The following SYNE1 variants were observed in gnomAD, a reference collection of about 807,000 sequenced individuals.
SYNE1 encodes the protein nesprin-1.
SYNE1 carries 616 observed loss-of-function variants against 1,111.0 expected under a neutral mutation model. That is an observed-to-expected ratio of 0.55 (90% CI 0.52 to 0.59). SYNE1 has a LOEUF of 0.59. SYNE1 is among the 20% of genes least tolerant of loss of function. The probability of loss-of-function intolerance (pLI) is 0.00; values close to 1 mark genes in which losing one functional copy is unlikely to be tolerated. For synonymous variants in SYNE1, 3,855 were observed against 3,825.8 expected, an observed-to-expected ratio of 1.01 and a Z score of -0.28; for missense variants, 10,006 against 10,417.0, an observed-to-expected ratio of 0.96 and a Z score of 1.72.
Position 152,301,913 on chromosome 6 carries a change from C to G in SYNE1, c.17497G>C (p.Gly5833Arg). 6.2e-7 allele frequency: 1 copy of G among 1,614,110 alleles called. No homozygotes were observed. Among genetic ancestry groups the G allele is most frequent in the Non-Finnish European group, 8.5e-7 (1 of 1,180,008 alleles). ...GLAEGTEDLD[G>R]ELLPTPSAHP... ...GCCGAAGGCGTGGGGAGGAGCTCCC[C>G]ATCCAGGTCCTCTGTCCCTTCCGCC... Residue 5833 changes from glycine (G) to arginine (R), a missense_variant, in exon 92 of 146, where the codon GGG (glycine) becomes CGG (arginine). By Grantham distance (125) the Gly-to-Arg change is moderately radical. Around this residue, in one of 7 missense-constraint regions of SYNE1, gnomAD observed 4,955 missense variants for 5,017.2 expected, o/e 0.99. Transcript: ENST00000367255.
At chr6:152,466,100 G>A in intron 16 of SYNE1, 22 bp from the exon 17 acceptor site, 1 of 1,479,242 alleles carries the variant, frequency 6.8e-7, no homozygotes, top group Non-Finnish European at 9.4e-7. Flanking sequence ...GGAATGGTTA[G>A]AAGATAGCAA....
intron 27 of SYNE1, 46 bp from the exon 28 acceptor site, chr6:152,449,687 A>C: frequency 7.4e-7 from 1 of 1,359,350 alleles, no homozygotes; most frequent in Non-Finnish European, 1.1e-6. Flanking sequence ...AACATACCAG[A>C]ATGATCAGAA....
At chr6:152,572,048 A>G (rs962298844) in intron 3 of SYNE1, among the ~76,000 whole-genome samples, 2 of 152,182 alleles carry the variant, frequency 1.3e-5, no homozygotes, top group Non-Finnish European at 2.9e-5. Flanking sequence ...TATCACCGCA[A>G]TCTTGGACTG....
chr6:152,226,325 A>C, intron 115 of SYNE1, among the ~76,000 whole-genome samples: 1 of 44,370 alleles, frequency 2.3e-5, no homozygotes, highest in Non-Finnish European at 4.5e-5. Context: ...CTACTCACCT[A>C]CCCAAAGCTG....
chr6:152,539,815 G>C, intron 4 of SYNE1, 145 bp downstream of exon 4: 1 of 918,368 alleles, frequency 1.1e-6, no homozygotes, highest in Non-Finnish European at 1.8e-6. Context: ...CCACTCTTAG[G>C]CAACAGCTAG....
intron 119 of SYNE1, 37 bp downstream of exon 119, chr6:152,220,805 G>C (rs1490159970): frequency 7.6e-6 from 12 of 1,587,608 alleles, no homozygotes; most frequent in Non-Finnish European, 9.5e-6. Context: ...AGTCTAAGAA[G>C]GGCATGTGGG....
chr6:152,425,694 AT>A, intron 38 of SYNE1, 147 bp from the exon 39 acceptor site: 1 of 918,408 alleles, frequency 1.1e-6, no homozygotes, highest in Non-Finnish European at 1.7e-6. Context: ...TTATTACTTG[AT>A]TTAGAAATGG....
At chr6:152,287,899 A>G (rs2094416473) in intron 95 of SYNE1, among the ~76,000 whole-genome samples, 2 of 152,218 alleles carry the variant, frequency 1.3e-5, no homozygotes, top group Non-Finnish European at 2.9e-5. Flanking sequence ...ACTTGCTGCA[A>G]TTTTTAAAAC....
intron 105 of SYNE1, among the ~76,000 whole-genome samples, chr6:152,248,472 T>TC (rs5880962): frequency 6.6e-6 from 1 of 151,572 alleles, no homozygotes; most frequent in Non-Finnish European, 1.5e-5. Flanking sequence ...CTTTTTTTTT[T>TC]AGCTAATGAG....
At chr6:152,489,940 TG>T (rs1159379589) in intron 11 of SYNE1, among the ~76,000 whole-genome samples, 2 of 152,192 alleles carry the variant, frequency 1.3e-5, no homozygotes, top group Non-Finnish European at 2.9e-5. Flanking sequence ...ATGCTGCTGG[TG>T]AAGGAATCAT....
chr6:152,280,207 G>C (rs1396486970), intron 97 of SYNE1, among the ~76,000 whole-genome samples: 1 of 152,102 alleles, frequency 6.6e-6, no homozygotes, highest in Non-Finnish European at 1.5e-5. Flanking sequence ...CAAGATTTTA[G>C]CTGGCTTATA....
At chr6:152,459,976 C>A (rs1250019449) in intron 21 of SYNE1, among the ~76,000 whole-genome samples, 1 of 149,972 alleles carries the variant, frequency 6.7e-6, no homozygotes, top group Non-Finnish European at 1.5e-5. Flanking sequence ...GCTACTGCAA[C>A]AAGACTCTGA....
chr6:152,442,369 A>T lies in SYNE1; in HGVS notation c.3838-124T>A, dbSNP rs1157031548. ...GCCCGAAATGTATTTTAAAGCTAAG[A>T]TTAACAGTTGAAATGGTAGTCGGTT... On this transcript the variant is annotated intron_variant, in intron 30 of 145. Transcript: ENST00000367255. 2.7e-6 allele frequency: 3 copies of T among 1,121,596 alleles called. No individual in the cohort carries two copies. The East Asian group carries it at 7.4e-5, about 28-fold the overall frequency. 69.5% of individuals were successfully genotyped at this position (1,121,596 alleles called of 1,614,324 possible).
At position 152,501,684 on chromosome 6, in the gene SYNE1, A is replaced by T. The variant is rs2099030734; in HGVS notation, c.888+949T>A. ...CGGCTGGCAGAGGTTGCAGTGAGCC[A>T]AGATTGTGCTACTGCACTCCAGCCT... On this transcript the variant is annotated intron_variant, in intron 10 of 145. Coordinates refer to ENST00000367255, the MANE Select transcript of SYNE1 (RefSeq NM_182961.4). 2.0e-5 allele frequency among the ~76,000 whole-genome samples: 3 copies of T among 152,034 alleles called. No homozygotes were observed. In the East Asian group the frequency reaches 5.8e-4, roughly 29 times the overall value.
Position 152,149,610 on chromosome 6 carries a change from C to A in SYNE1, c.24509G>T (p.Gly8170Val), listed in dbSNP as rs1308957507. Residue 8170 changes from glycine to valine, a missense_variant, in exon 136 of 146, where the codon GGA (glycine) becomes GTA (valine). Around this residue, in one of 7 missense-constraint regions of SYNE1, gnomAD observed 761 missense variants for 795.5 expected, o/e 0.96. Transcript: ENST00000367255. The stretch of plus-strand genomic sequence containing the variant: ...CTCACTCTTTTCTATCAGCTGTTCT[C>A]CTTGGGCAATTATCTGCTCAATCTT... Reference protein sequence around the residue: ...HNKIEQIIAQGEQLIEKSEPL... With the variant: ...HNKIEQIIAQVEQLIEKSEPL... The A allele has an allele frequency of 6.2e-7, 1 of 1,614,004 alleles. No homozygotes were observed. The highest frequency in any genetic ancestry group is 1.3e-5 in the African/African-American group (1 of 74,910).
chr6:152,329,502 G>C (rs2096188629), intron 78 of SYNE1, among the ~76,000 whole-genome samples: 2 of 152,184 alleles, frequency 1.3e-5, no homozygotes. Context: ...ACTCCAGCCT[G>C]GGCAACAGAG....
At position 152,289,029 on chromosome 6, in the gene SYNE1, G is replaced by A. The variant is rs138106961; in HGVS notation, c.18012+4559C>T. 8.0e-3 allele frequency among the ~76,000 whole-genome samples: 1,221 copies of A among 152,220 alleles called. 9 individuals carry two copies. The highest frequency in any genetic ancestry group is 0.011 in the Non-Finnish European group (723 of 68,012). ...GTTTTGGAACCAGAGAGAGACAGTG[G>A]TTGTACAGCATTGTGAATGTACTAA... On this transcript the variant is annotated intron_variant, in intron 95 of 145. Transcript: ENST00000367255.
chr6:152,333,554 A>G (rs542140402), intron 77 of SYNE1, among the ~76,000 whole-genome samples: 75 of 152,264 alleles, frequency 4.9e-4, no homozygotes, highest in African/African-American at 1.7e-3. Context: ...CTCTATATCC[A>G]TTTGAAAACG....
intron 87 of SYNE1, among the ~76,000 whole-genome samples, chr6:152,314,272 T>G (rs1471115186): frequency 6.6e-6 from 1 of 152,208 alleles, no homozygotes; most frequent in Non-Finnish European, 1.5e-5. Flanking sequence ...TTTTAGGATC[T>G]TTTTCTTATC....
Sources: allele counts gnomAD v4.1 joint callset (sites outside exome capture counted in the v4.1 genomes callset), GRCh38; gene constraint gnomAD v4.1.1; regional missense constraint gnomAD v4.1.1; transcripts MANE v1.5; gene names NCBI Gene and HGNC (gene_info 2026-07-23, HGNC 2026-07-21).